The following TXNL4A variants were observed in gnomAD, a reference collection of about 807,000 sequenced individuals.
TXNL4A encodes thioredoxin like 4A.
TXNL4A carries 17 observed loss-of-function variants against 14.6 expected under a neutral mutation model. The observed-to-expected ratio is 1.16, with a 90% CI of 0.80 to 1.74. TXNL4A has a LOEUF of 1.74. TXNL4A is among the 40% of genes most tolerant of loss of function. The pLI is 0.00. For missense variants in TXNL4A, 74 were observed against 195.2 expected (o/e 0.38, Z 3.70); for synonymous variants, 83 against 70.6 (o/e 1.18, Z -0.88).
At chr18:80,003,308 C>A (rs1438904340) in intron 1 of TXNL4A, among the ~76,000 whole-genome samples, 1 of 152,228 alleles carries the variant, frequency 6.6e-6, no homozygotes, top group African/African-American at 2.4e-5. Flanking sequence ...AGGTCCTGTG[C>A]AGTGTGACAC....
intron 1 of TXNL4A, among the ~76,000 whole-genome samples, chr18:80,019,249 A>T (rs1208611019): frequency 6.6e-6 from 1 of 152,206 alleles, no homozygotes; most frequent in African/African-American, 2.4e-5. Context: ...GTTTAATTGG[A>T]CTTATTTCCA....
At chr18:79,998,242 G>C (rs1333383320) in intron 1 of TXNL4A, among the ~76,000 whole-genome samples, 1 of 151,636 alleles carries the variant, frequency 6.6e-6, no homozygotes, top group Non-Finnish European at 1.5e-5. Context: ...GCAGTGAGCC[G>C]AGATTGCACC....
intron 1 of TXNL4A, among the ~76,000 whole-genome samples, chr18:79,978,936 CT>C (rs1026182483): frequency 7.5e-5 from 11 of 147,490 alleles, no homozygotes; most frequent in South Asian, 2.2e-4. Context: ...TTTGAGCATT[CT>C]TTTTTTTTTC....
chr18:79,991,024 C>G (rs536224278), upstream of TXNL4A, among the ~76,000 whole-genome samples: 2 of 147,404 alleles, frequency 1.4e-5, no homozygotes, highest in Non-Finnish European at 3.0e-5. Context: ...AGGAGAATGG[C>G]GTGAACCCGG....
intron 1 of TXNL4A, among the ~76,000 whole-genome samples, chr18:80,006,568 A>T (rs1388762600): frequency 1.3e-5 from 2 of 152,164 alleles, no homozygotes; most frequent in Non-Finnish European, 2.9e-5. Flanking sequence ...AATTTTATTT[A>T]CTTATAAAAG....
Position 79,993,965 on chromosome 18 carries a change from C to T in TXNL4A, c.-60-16264G>A, listed in dbSNP as rs985780980. Among the ~76,000 whole-genome samples, 8 of 152,150 alleles carry T rather than the reference C, an allele frequency of 5.3e-5. No individual in the cohort carries two copies. Among genetic ancestry groups the T allele is most frequent in the Admixed American group, 3.3e-4 (5 of 15,256 alleles). ...ACTGAACTGGTTCAAGGAATAATGG[C>T]CCTGAAGAGCCAGGTCCCCAGGCAG... is the stretch of plus-strand genomic sequence containing the variant. On this transcript the variant is annotated intron_variant, in intron 1 of 2. Transcript: ENST00000585474. The surrounding 1 kb of genome is among the most constrained non-coding windows in gnomAD (Gnocchi z 4.4).
upstream of TXNL4A, among the ~76,000 whole-genome samples, chr18:79,990,252 G>A (rs1342714067): frequency 1.3e-5 from 2 of 152,196 alleles, no homozygotes; most frequent in Non-Finnish European, 2.9e-5. Flanking sequence ...TATACGAAAT[G>A]CTTTATTGTA....
At chr18:79,974,211 G>A (rs147842762) in intron 2 of TXNL4A, among the ~76,000 whole-genome samples, 8 of 152,248 alleles carry the variant, frequency 5.3e-5, no homozygotes, top group African/African-American at 1.2e-4. Context: ...CCCGGAGTCC[G>A]AGATCAACAT....
At chr18:79,996,060 C>T (rs1453347411) in intron 1 of TXNL4A, among the ~76,000 whole-genome samples, 1 of 142,776 alleles carries the variant, frequency 7.0e-6, no homozygotes, top group Non-Finnish European at 1.5e-5. Flanking sequence ...GCCCACATCG[C>T]GCCACTGCAC....
chr18:79,995,929 C>T (rs746792196), intron 1 of TXNL4A, among the ~76,000 whole-genome samples: 1 of 151,732 alleles, frequency 6.6e-6, no homozygotes, highest in Non-Finnish European at 1.5e-5. Flanking sequence ...GGTGAAACCC[C>T]GTCTCTACTA....
At position 80,011,784 on chromosome 18, in the gene TXNL4A, T is replaced by A. The variant is rs1438835869; in HGVS notation, c.-61+22067A>T. 2.0e-5 allele frequency among the ~76,000 whole-genome samples: 3 copies of A among 152,102 alleles called. No homozygotes were observed. Among genetic ancestry groups the A allele is most frequent in the East Asian group, 1.9e-4 (1 of 5,192 alleles). ...CTATAAGTTAAAGATCTTTTTTTTT[T>A]AAGAACTATATATATATATTTTATG... On this transcript the variant is annotated intron_variant, in intron 1 of 2. Coordinates refer to the TXNL4A transcript ENST00000585474. The surrounding 1 kb of genome is among the most constrained non-coding windows in gnomAD (Gnocchi z 4.1).
At chr18:80,012,733 CAG>C (rs2051778283) in intron 1 of TXNL4A, among the ~76,000 whole-genome samples, 1 of 152,178 alleles carries the variant, frequency 6.6e-6, no homozygotes, top group South Asian at 2.1e-4. Context: ...ATTAGAGACA[CAG>C]AATGTCCTGG....
Position 80,010,241 on chromosome 18 carries a change from G to A in TXNL4A, c.-61+23610C>T, listed in dbSNP as rs967715651. 1.3e-5 allele frequency among the ~76,000 whole-genome samples: 2 copies of A among 152,152 alleles called. 1 individual carries two copies. The highest frequency in any genetic ancestry group is 4.1e-4 in the South Asian group (2 of 4,826). ...GCCAGCAGAGAGGGGGTCCTGAATG[G>A]GGTGGCCACTATGAGTCCCGTTCTG... is the stretch of plus-strand genomic sequence containing the variant. On this transcript the variant is annotated intron_variant, in intron 1 of 2. Transcript: ENST00000585474.
In TXNL4A at chr18:79,982,806, C is replaced by T. The variant is rs1228904253; in HGVS notation, c.154-5105G>A. ...CAGAGGGGAGCTCCCCAGCCTCCCA[C>T]CACCCCATTTTCTTGGTGAAATGGC... On this transcript the variant is annotated intron_variant, in intron 1 of 2. Coordinates refer to ENST00000269601, the MANE Select transcript of TXNL4A (RefSeq NM_006701.5). This position sits in a 1 kb window ranked among gnomAD's most constrained non-coding sequence, Gnocchi z 4.0. Among the ~76,000 whole-genome samples, 1 of 152,068 alleles carries T rather than the reference C, an allele frequency of 6.6e-6. No homozygotes were observed. Among genetic ancestry groups the T allele is most frequent in the Non-Finnish European group, 1.5e-5 (1 of 68,016 alleles).
chr18:80,003,744 G>T (rs2051711880), intron 1 of TXNL4A, among the ~76,000 whole-genome samples: 1 of 152,156 alleles, frequency 6.6e-6, no homozygotes, highest in South Asian at 2.1e-4. Context: ...AAGGAAAGGG[G>T]TTTAAGTGAC....
At chr18:80,013,680 G>A (rs919816312) in intron 1 of TXNL4A, among the ~76,000 whole-genome samples, 3 of 150,792 alleles carry the variant, frequency 2.0e-5, no homozygotes, top group Non-Finnish European at 4.4e-5. Flanking sequence ...TCCTGACCTC[G>A]TGATCCACCC....
At chr18:80,022,684 A>G (rs9807750) in intron 1 of TXNL4A, among the ~76,000 whole-genome samples, 21,825 of 152,168 alleles carry the variant, frequency 0.14, 1,693 homozygotes, top group East Asian at 0.27. Context: ...AGAGAGTGGG[A>G]GACAAGGTGT....
intron 1 of TXNL4A, among the ~76,000 whole-genome samples, chr18:80,007,256 T>C (rs181058988): frequency 4.0e-4 from 61 of 152,330 alleles, no homozygotes; most frequent in Middle Eastern, 3.4e-3. Flanking sequence ...TTTATTCAGC[T>C]GGGAGCATCG....
chr18:79,984,846 C>T (rs1457753300), intron 1 of TXNL4A, among the ~76,000 whole-genome samples: 1 of 152,222 alleles, frequency 6.6e-6, no homozygotes. Flanking sequence ...TCAGTCTTCT[C>T]ACCCATCATG....
Sources: allele counts gnomAD v4.1 joint callset (sites outside exome capture counted in the v4.1 genomes callset), GRCh38; gene constraint gnomAD v4.1.1; non-coding constraint Gnocchi (gnomAD v3.1); transcripts MANE v1.5; gene names NCBI Gene and HGNC (gene_info 2026-07-23, HGNC 2026-07-21).